Variants in TRIM22 observed in about 807,000 individuals in gnomAD.
The protein encoded by TRIM22 is E3 ubiquitin-protein ligase TRIM22.
Under a neutral mutation model 53.6 loss-of-function variants are expected in TRIM22, and 45 were observed. That is an observed-to-expected ratio of 0.84 (90% CI 0.66 to 1.08). The LOEUF is 1.08. Among genes scored for constraint, TRIM22 ranks in the 50% least tolerant of loss-of-function variants. The pLI is 0.00. For synonymous variants in TRIM22, 225 were observed against 216.6 expected (o/e 1.04, Z -0.34); for missense variants, 616 against 590.9 (o/e 1.04, Z -0.44).
At chr11:5,702,562 A>G (rs1185843007) in intron 4 of TRIM22, among the ~76,000 whole-genome samples, 1 of 151,728 alleles carries the variant, frequency 6.6e-6, no homozygotes, top group Non-Finnish European at 1.5e-5. Context: ...TACAAATAAC[A>G]CTATACCCCT....
At chr11:5,707,198 T>A (rs1339830432) in intron 5 of TRIM22, among the ~76,000 whole-genome samples, 1 of 152,174 alleles carries the variant, frequency 6.6e-6, no homozygotes, top group Non-Finnish European at 1.5e-5. Context: ...AACATCAAAG[T>A]TTTTTTAAAC....
At chr11:5,699,530 C>CAAAAAAAAAAAAA (rs71053298) in intron 4 of TRIM22, among the ~76,000 whole-genome samples, 2 of 28,544 alleles carry the variant, frequency 7.0e-5, no homozygotes, top group Admixed American at 7.2e-4. Context: ...GACTCCGTCT[C>CAAAAAAAAAAAAA]AAAAAAAAAA....
intron 1 of TRIM22, among the ~76,000 whole-genome samples, chr11:5,694,274 A>G (rs1853221809): frequency 6.6e-6 from 1 of 152,202 alleles, no homozygotes; most frequent in Non-Finnish European, 1.5e-5. Flanking sequence ...CATGACCAAC[A>G]GATGTTTCTT....
At chr11:5,708,425 G>T in intron 6 of TRIM22, 152 bp downstream of exon 6, 1 of 978,352 alleles carries the variant, frequency 1.0e-6, no homozygotes, top group Non-Finnish European at 1.5e-6. Context: ...CCTGTCTTAG[G>T]GGGAATGACC....
intron 4 of TRIM22, among the ~76,000 whole-genome samples, chr11:5,704,774 T>C (rs894962936): frequency 6.6e-5 from 10 of 152,192 alleles, no homozygotes; most frequent in African/African-American, 2.4e-4. Flanking sequence ...AGGTCTTTGA[T>C]TTATTTTTAG....
At position 5,710,722 on chromosome 11, in the gene TRIM22, C is replaced by T. The variant is rs1853547200; in HGVS notation, c.*1074C>T. 1 of 152,076 alleles carries T rather than the reference C, an allele frequency of 6.6e-6. No individual in the cohort carries two copies. The highest frequency in any genetic ancestry group is 2.4e-5 in the African/African-American group (1 of 41,408). 9.4% of individuals were successfully genotyped at this position (152,076 alleles called of 1,614,324 possible). A position where few individuals can be genotyped will look rare whatever the true frequency, so the allele number is the denominator to read the frequency against. ...ACAAACTTTTATTAAATGTAAGGCA[C>T]TTTTCTATGAATTTTAAATATAAAA... is the stretch of plus-strand genomic sequence containing the variant. On this transcript the variant is annotated 3_prime_UTR_variant, in exon 8 of 8. Transcript: ENST00000379965.
rs1238145539 is a variant in TRIM22 at position 5,695,373 on chromosome 11, T to C, written c.-66-794T>C. On this transcript the variant is annotated intron_variant, in intron 1 of 7. Coordinates refer to ENST00000379965, the MANE Select transcript of TRIM22 (RefSeq NM_006074.5). ...AAGCCTTGAGGAGCCATAGATTTGA[T>C]AGTTTAATTGAGGAGGTATTTTTTA... Among the ~76,000 whole-genome samples the C allele has an allele frequency of 2.0e-4, 31 of 152,276 alleles. No homozygotes were observed. In the East Asian group the frequency reaches 4.2e-3, roughly 21 times the overall value.
chr11:5,692,545 T>TA (rs1853189257), intron 1 of TRIM22, among the ~76,000 whole-genome samples: 1 of 152,204 alleles, frequency 6.6e-6, no homozygotes, highest in Admixed American at 6.5e-5. Context: ...TTTAGACAAA[T>TA]AAGAAGTGGT....
intron 4 of TRIM22, 55 bp from the exon 5 acceptor site, chr11:5,706,539 T>A: frequency 6.3e-7 from 1 of 1,590,526 alleles, no homozygotes; most frequent in South Asian, 1.1e-5. Flanking sequence ...TAGCCACTTT[T>A]ATGTTCTAAA....
Position 5,695,591 on chromosome 11 carries a change from T to C in TRIM22, c.-66-576T>C, listed in dbSNP as rs114313403. ...GTTTTTTTTTTTCAGGTGATAAAAA[T>C]AATTTTAAATTGGGTTACAGTAATA... On this transcript the variant is annotated intron_variant, in intron 1 of 7. Coordinates refer to ENST00000379965, the MANE Select transcript of TRIM22 (RefSeq NM_006074.5). 8.5e-3 allele frequency among the ~76,000 whole-genome samples: 1,265 copies of C among 149,698 alleles called. 19 individuals are homozygous for C. The highest frequency in any genetic ancestry group is 0.03 in the African/African-American group (1,204 of 40,754).
chr11:5,699,473 G>A lies in TRIM22; in HGVS notation c.750+928G>A, dbSNP rs1362288372. 3.6e-5 allele frequency among the ~76,000 whole-genome samples: 4 copies of A among 110,864 alleles called. 1 individual carries two copies. Among genetic ancestry groups the A allele is most frequent in the South Asian group, 5.9e-4 (2 of 3,368 alleles). 72.7% of individuals were successfully genotyped at this position (110,864 alleles called of 152,430 possible). A position where few individuals can be genotyped will look rare whatever the true frequency, so the allele number is the denominator to read the frequency against. On this transcript the variant is annotated intron_variant, in intron 4 of 7. Coordinates refer to ENST00000379965, the MANE Select transcript of TRIM22 (RefSeq NM_006074.5). ...CGGGAAGCGGAGCTTGCAATGAACC[G>A]AGATTGCGCCACTGCAGTCCGCAGT...
Position 5,709,451 on chromosome 11 carries a change from C to CT in TRIM22, c.1301dup (p.Phe435LeufsTer16). On this transcript the variant is annotated frameshift_variant, in exon 8 of 8. Coordinates refer to ENST00000379965, the MANE Select transcript of TRIM22 (RefSeq NM_006074.5). LOFTEE classifies it high-confidence loss of function. Reference sequence around the variant, plus strand: ...CTCTTCTGATCCCAAGGTTTTGACTCTCTTTATGGCTGTGCCTCCCTGTCG... The same window carrying CT: ...CTCTTCTGATCCCAAGGTTTTGACTCTTCTTTATGGCTGTGCCTCCCTGTCG... 1 of 1,614,208 alleles carries CT rather than the reference C, an allele frequency of 6.2e-7. No individual in the cohort carries two copies. Among genetic ancestry groups the CT allele is most frequent in the East Asian group, 2.2e-5 (1 of 44,892 alleles).
At position 5,696,091 on chromosome 11, in the gene TRIM22, C is replaced by T. The variant is rs2134173553; in HGVS notation, c.-66-76C>T. 6.0e-6 allele frequency: 4 copies of T among 670,220 alleles called. No individual in the cohort carries two copies. In the South Asian group the frequency reaches 1.0e-4, roughly 17 times the overall value. 41.5% of individuals were successfully genotyped at this position (670,220 alleles called of 1,614,324 possible). ...TCTCTGTTAAATATTAATGTTTTGTCCTGTTCTAAATCTCTGTAAAAGCAG... is the reference window on the plus strand; with the variant it reads ...TCTCTGTTAAATATTAATGTTTTGTTCTGTTCTAAATCTCTGTAAAAGCAG... On this transcript the variant is annotated intron_variant, in intron 1 of 7. Coordinates refer to ENST00000379965, the MANE Select transcript of TRIM22 (RefSeq NM_006074.5).
At chr11:5,697,699 TTTTG>T (rs71053297) in intron 3 of TRIM22, 3,339 of 188,514 alleles carry the variant, frequency 0.018, 122 homozygotes, top group African/African-American at 0.072. Context: ...AGGGGGATTT[TTTTG>T]TTTGTTTGTT....
intron 1 of TRIM22, among the ~76,000 whole-genome samples, chr11:5,692,117 C>T (rs1381328062): frequency 6.6e-6 from 1 of 152,014 alleles, no homozygotes; most frequent in African/African-American, 2.4e-5. Context: ...AGTAAACACG[C>T]AGTCAAAAAA....
intron 7 of TRIM22, among the ~76,000 whole-genome samples, 166 bp downstream of exon 7, chr11:5,708,769 T>C (rs1381191212): frequency 6.6e-6 from 1 of 150,538 alleles, no homozygotes; most frequent in African/African-American, 2.4e-5. Flanking sequence ...CAGGCTGGAG[T>C]GCAATGGCGC....
intron 4 of TRIM22, among the ~76,000 whole-genome samples, chr11:5,705,552 G>T (rs1387615943): frequency 6.6e-6 from 1 of 152,090 alleles, no homozygotes; most frequent in African/African-American, 2.4e-5. Flanking sequence ...ATTTCTGAGG[G>T]TGTGAAGTCA....
In TRIM22 at chr11:5,708,494, C is replaced by T. The variant is rs887716918; in HGVS notation, c.875-83C>T. On this transcript the variant is annotated intron_variant, in intron 6 of 7. Coordinates refer to ENST00000379965, the MANE Select transcript of TRIM22 (RefSeq NM_006074.5). ...AAAGAATCCCAGTATTCCCCCTTTC[C>T]TTTCCCTACTCTGGAGAAGAGACAG... 4 of 1,368,366 alleles carry T rather than the reference C, an allele frequency of 2.9e-6. 1 individual carries two copies. In the South Asian group the frequency reaches 5.4e-5, roughly 18 times the overall value. The allele number at this position is 1,368,366 out of a possible 1,614,324, so 84.8% of individuals were successfully genotyped here.
Position 5,709,186 on chromosome 11 carries a change from C to T in TRIM22, c.1035C>T (p.Phe345=), listed in dbSNP as rs187389090. ...GTGATTTTTCTGCTTTTGGTGTCTT[C>T]GGCTGCCAATATTTCTCTTCGGGGA... is the stretch of plus-strand genomic sequence containing the variant. ...NPCDFSAFGV[F]GCQYFSSGKY... The change falls in exon 8 of 8, where the codon TTC becomes TTT. Residue 345 remains phenylalanine (F), a synonymous_variant. Transcript: ENST00000379965. 50 of 1,614,118 alleles carry T rather than the reference C, an allele frequency of 3.1e-5. No homozygotes were observed. The East Asian group carries it at 9.6e-4, about 31-fold the overall frequency.
Sources: gnomAD v4.1 joint callset for allele counts (sites outside exome capture counted in the v4.1 genomes callset) on GRCh38, gnomAD v4.1.1 for gene constraint, MANE v1.5 for transcripts, NCBI Gene and HGNC (gene_info 2026-07-23, HGNC 2026-07-21) for gene names.